Variants in CHST9 observed in about 807,000 individuals in gnomAD.
CHST9 encodes the protein GalNAc-4-sulfotransferase 2.
CHST9 carries 41 observed loss-of-function variants against 44.4 expected under a neutral mutation model. The observed-to-expected ratio is 0.92, with a 90% CI of 0.72 to 1.20. The LOEUF is 1.20. Ranked by LOEUF, CHST9 falls within the 50% of genes most tolerant of loss-of-function variation. The pLI is 0.00. For synonymous variants in CHST9, 171 were observed against 178.4 expected, an observed-to-expected ratio of 0.96 and a Z score of 0.33; for missense variants, 504 against 516.5, an observed-to-expected ratio of 0.98 and a Z score of 0.23.
At chr18:27,120,431 C>T (rs1001954698) in intron 2 of CHST9, among the ~76,000 whole-genome samples, 1 of 152,314 alleles carries the variant, frequency 6.6e-6, no homozygotes, top group East Asian at 1.9e-4. Flanking sequence ...CTCTGCCATT[C>T]TGCTTCCTTC....
At chr18:26,941,961 G>C (rs556922962) in intron 5 of CHST9, among the ~76,000 whole-genome samples, 2 of 152,130 alleles carry the variant, frequency 1.3e-5, no homozygotes, top group African/African-American at 2.4e-5. Context: ...CCTGATGTGG[G>C]GGGGAGAAAA....
At chr18:26,998,220 T>G (rs1341333400) in intron 4 of CHST9, among the ~76,000 whole-genome samples, 1 of 152,202 alleles carries the variant, frequency 6.6e-6, no homozygotes, top group Admixed American at 6.5e-5. Context: ...TATTTTATTG[T>G]GGCACCTATA....
rs576017764 is a variant in CHST9 at position 27,129,872 on chromosome 18, C to T, written c.121+12817G>A. Among the ~76,000 whole-genome samples, 7 of 152,074 alleles carry T rather than the reference C, an allele frequency of 4.6e-5. No individual in the cohort carries two copies. In the East Asian group the frequency reaches 1.4e-3, roughly 29 times the overall value. ...AACCATATTCTTGCTCCTCGTGGTG[C>T]ATCTAGTTGCTAAACTTCCTAATTC... On this transcript the variant is annotated intron_variant, in intron 2 of 5. Coordinates refer to ENST00000618847, the MANE Select transcript of CHST9 (RefSeq NM_031422.6).
Position 26,917,019 on chromosome 18 carries a change from C to G in CHST9, c.572G>C (p.Gly191Ala). Residue 191 changes from glycine (G) to alanine (A), a missense_variant, in exon 6 of 6, where the codon GGG becomes GCG. By Grantham distance (60) the Gly-to-Ala change is moderately conservative. Coordinates refer to ENST00000618847, the MANE Select transcript of CHST9 (RefSeq NM_031422.6). ...AAGATGTGACTGATGATGACTCACC[C>G]CACCGTATTTCTTGCAAAACTCCTG... Reference protein sequence around the residue: ...FLQEFCKKYGGVSHHQSHLFH... With the variant: ...FLQEFCKKYGAVSHHQSHLFH... 2 of 1,613,930 alleles carry G rather than the reference C, an allele frequency of 1.2e-6. No individual in the cohort carries two copies. The highest frequency in any genetic ancestry group is 1.7e-6 in the Non-Finnish European group (2 of 1,179,878).
intron 4 of CHST9, among the ~76,000 whole-genome samples, chr18:26,956,107 C>T (rs2056318854): frequency 6.6e-6 from 1 of 151,604 alleles, no homozygotes; most frequent in African/African-American, 2.4e-5. Flanking sequence ...CCAGCCTGGC[C>T]AACATGGTAA....
At chr18:26,996,348 C>T (rs144678555) in intron 4 of CHST9, among the ~76,000 whole-genome samples, 98 of 152,282 alleles carry the variant, frequency 6.4e-4, no homozygotes, top group African/African-American at 2.1e-3. Flanking sequence ...AGGTAACCCT[C>T]AACGTTGGAG....
intron 3 of CHST9, among the ~76,000 whole-genome samples, chr18:27,045,505 C>T (rs1052352226): frequency 4.0e-5 from 6 of 151,888 alleles, no homozygotes; most frequent in African/African-American, 9.7e-5. Flanking sequence ...AAAATTTTCC[C>T]GGTAAAGAGA....
intron 2 of CHST9, among the ~76,000 whole-genome samples, chr18:27,083,544 T>C (rs1365622750): frequency 6.6e-6 from 1 of 152,192 alleles, no homozygotes; most frequent in Non-Finnish European, 1.5e-5. Context: ...AAATGACTAA[T>C]TTATCCAAAG....
intron 2 of CHST9, among the ~76,000 whole-genome samples, chr18:27,071,462 T>C (rs1373408465): frequency 2.0e-5 from 3 of 152,238 alleles, no homozygotes; most frequent in Non-Finnish European, 4.4e-5. Flanking sequence ...TAATGACTTA[T>C]GTAAATATAT....
At chr18:27,035,330 T>G (rs76801132) in intron 3 of CHST9, among the ~76,000 whole-genome samples, 266 of 152,332 alleles carry the variant, frequency 1.7e-3, no homozygotes, top group African/African-American at 6.0e-3. Flanking sequence ...TTCAGGGTCT[T>G]TGTCCATTTT....
At chr18:27,139,496 C>CAT (rs1310514912) in intron 2 of CHST9, among the ~76,000 whole-genome samples, 4 of 150,000 alleles carry the variant, frequency 2.7e-5, no homozygotes, top group Admixed American at 6.7e-5. Flanking sequence ...CACACACACA[C>CAT]ACACATATAT....
chr18:27,081,184 A>C (rs767155934), intron 2 of CHST9, among the ~76,000 whole-genome samples: 1 of 152,064 alleles, frequency 6.6e-6, no homozygotes, highest in Non-Finnish European at 1.5e-5. Context: ...AATTAGAAAA[A>C]ACAGTTTGCT....
At chr18:27,157,218 T>G (rs2058704395) in intron 1 of CHST9, among the ~76,000 whole-genome samples, 1 of 151,950 alleles carries the variant, frequency 6.6e-6, no homozygotes. Flanking sequence ...CATCATATAT[T>G]ATCTAGGCAT....
At chr18:26,983,238 TTAAAG>T (rs774959533) in intron 4 of CHST9, among the ~76,000 whole-genome samples, 40 of 152,194 alleles carry the variant, frequency 2.6e-4, no homozygotes, top group African/African-American at 6.3e-4. Context: ...GCAGAACTTA[TTAAAG>T]TAGTTTTCTG....
intron 2 of CHST9, among the ~76,000 whole-genome samples, chr18:27,122,147 G>A (rs1478868072): frequency 1.3e-5 from 2 of 152,114 alleles, no homozygotes; most frequent in African/African-American, 4.8e-5. Context: ...AAGAACAAAC[G>A]CACCAGTGTA....
intron 4 of CHST9, among the ~76,000 whole-genome samples, chr18:26,990,709 C>A (rs956772445): frequency 1.1e-4 from 17 of 152,226 alleles, no homozygotes; most frequent in Admixed American, 5.9e-4. Flanking sequence ...CTCATGCACC[C>A]TGCAGAATCT....
intron 5 of CHST9, among the ~76,000 whole-genome samples, chr18:26,927,583 G>A (rs1210102645): frequency 6.6e-6 from 1 of 152,084 alleles, no homozygotes; most frequent in South Asian, 2.1e-4. Context: ...GTGCTTTGAT[G>A]TGCATATACA....
intron 1 of CHST9, among the ~76,000 whole-genome samples, chr18:27,144,072 C>T (rs1325382195): frequency 2.6e-5 from 4 of 152,164 alleles, no homozygotes; most frequent in Admixed American, 6.5e-5. Context: ...GTTAGCAGCC[C>T]GGCTAATGGG....
chr18:26,918,819 C>G (rs1013171878), intron 5 of CHST9, among the ~76,000 whole-genome samples: 3 of 152,022 alleles, frequency 2.0e-5, no homozygotes, highest in African/African-American at 7.2e-5. Flanking sequence ...GAATAACCCC[C>G]TGAATACCAT....
Sources: gnomAD v4.1 joint callset for allele counts (sites outside exome capture counted in the v4.1 genomes callset) on GRCh38, gnomAD v4.1.1 for gene constraint, MANE v1.5 for transcripts, NCBI Gene and HGNC (gene_info 2026-07-23, HGNC 2026-07-21) for gene names.